SGCD: variants seen among roughly 807,000 people sequenced by gnomAD.
SGCD encodes sarcoglycan delta, also known as delta-sarcoglycan.
SGCD carries 18 observed loss-of-function variants against 36.6 expected under a neutral mutation model. The ratio of observed to expected loss-of-function variants is 0.49; its 90% CI spans 0.34 to 0.73. The LOEUF (loss-of-function observed/expected upper bound fraction) is 0.73. SGCD is among the 30% of genes least tolerant of loss of function. SGCD has a pLI of 0.01. For missense variants in SGCD, 387 were observed against 346.7 expected, an observed-to-expected ratio of 1.12 and a Z score of -0.92; for synonymous variants, 133 against 130.6, an observed-to-expected ratio of 1.02 and a Z score of -0.12.
At chr5:156,356,284 C>T (rs1394608) in intron 3 of SGCD, among the ~76,000 whole-genome samples, 111,228 of 151,968 alleles carry the variant, frequency 0.73, 41,809 homozygotes, top group East Asian at 0.92. Context: ...ACTCAAAGGC[C>T]TGGGGTATCT....
intron 3 of SGCD, among the ~76,000 whole-genome samples, chr5:156,279,768 G>A (rs1292620772): frequency 1.3e-5 from 2 of 151,940 alleles, no homozygotes; most frequent in African/African-American, 2.4e-5. Flanking sequence ...ATAAAGAAAG[G>A]CCCCTTTCTA....
chr5:156,321,476 G>A (rs902435454), intron 3 of SGCD, among the ~76,000 whole-genome samples: 1 of 151,880 alleles, frequency 6.6e-6, no homozygotes, highest in Non-Finnish European at 1.5e-5. Context: ...ACCTTCTCTG[G>A]GCACGATGCT....
intron 3 of SGCD, among the ~76,000 whole-genome samples, chr5:156,150,719 C>A (rs1762813161): frequency 6.6e-6 from 1 of 151,652 alleles, no homozygotes. Context: ...CTCTTAAAAT[C>A]CATTCTTGTG....
At chr5:155,838,830 C>G in the SGCD span, among the ~76,000 whole-genome samples, 1 of 148,740 alleles carries the variant, frequency 6.7e-6, no homozygotes. Flanking sequence ...GGGAATATAG[C>G]TATTTTTCAT....
At chr5:155,935,959 C>G (rs373359579) in intron 1 of SGCD, among the ~76,000 whole-genome samples, 1 of 152,176 alleles carries the variant, frequency 6.6e-6, no homozygotes, top group Admixed American at 6.5e-5. Context: ...CAGGCACCAG[C>G]ACAGGTGCTG....
the SGCD span, among the ~76,000 whole-genome samples, chr5:155,793,789 T>C: frequency 6.6e-6 from 1 of 152,118 alleles, no homozygotes; most frequent in Admixed American, 6.5e-5. Flanking sequence ...CCTCAGGCAA[T>C]CCGCCTGTCT....
intron 3 of SGCD, among the ~76,000 whole-genome samples, chr5:156,244,262 G>GA (rs1190257289): frequency 4.0e-5 from 6 of 151,884 alleles, no homozygotes; most frequent in African/African-American, 1.2e-4. Context: ...TGATAGTCAA[G>GA]AAAAAAAATT....
intron 3 of SGCD, among the ~76,000 whole-genome samples, chr5:156,439,899 G>A (rs1165414048): frequency 6.6e-6 from 1 of 152,012 alleles, no homozygotes; most frequent in Non-Finnish European, 1.5e-5. Context: ...TCCCATTTGT[G>A]CCTTTCACTC....
intron 1 of SGCD, among the ~76,000 whole-genome samples, chr5:156,024,690 C>G (rs910727203): frequency 3.3e-5 from 5 of 152,062 alleles, no homozygotes; most frequent in African/African-American, 1.2e-4. Context: ...GATAAAGAGG[C>G]TGGACACAGT....
chr5:155,935,761 T>G lies in SGCD; in HGVS notation c.-282+65337T>G, dbSNP rs368761715. 1.0e-3 allele frequency among the ~76,000 whole-genome samples: 153 copies of G among 152,310 alleles called. No homozygotes were observed. In the South Asian group the frequency reaches 0.018, roughly 18 times the overall value. ...GAAACCTCTGTGGCCAGTGGTGCTT[T>G]TGCATGAGTTTTGCTCGGGCCCACT... On this transcript the variant is annotated intron_variant, in intron 1 of 9. Coordinates refer to the SGCD transcript ENST00000517913.
chr5:156,192,555 C>G (rs1280340936), intron 3 of SGCD, among the ~76,000 whole-genome samples: 1 of 151,916 alleles, frequency 6.6e-6, no homozygotes, highest in Non-Finnish European at 1.5e-5. Flanking sequence ...TAACGTTTGA[C>G]AGTAGAGTAG....
intron 1 of SGCD, among the ~76,000 whole-genome samples, chr5:155,952,225 G>T (rs1757561787): frequency 6.6e-6 from 1 of 152,066 alleles, no homozygotes; most frequent in African/African-American, 2.4e-5. Context: ...GCTTCTGAGA[G>T]TTTTCAAAAA....
At chr5:156,647,317 C>A in intron 6 of SGCD, 147 bp from the exon 7 acceptor site, 1 of 533,530 alleles carries the variant, frequency 1.9e-6, no homozygotes, top group Non-Finnish European at 3.4e-6. Flanking sequence ...GCTTTCCTAT[C>A]ATGGAGCTCT....
intron 3 of SGCD, among the ~76,000 whole-genome samples, chr5:156,390,358 A>G (rs1771499732): frequency 6.6e-6 from 1 of 152,218 alleles, no homozygotes; most frequent in African/African-American, 2.4e-5. Context: ...TGGAGGTGGA[A>G]GACAGCGTTG....
At chr5:156,708,598 G>T (rs140930187) in intron 7 of SGCD, among the ~76,000 whole-genome samples, 1 of 152,190 alleles carries the variant, frequency 6.6e-6, no homozygotes, top group Admixed American at 6.5e-5. Context: ...CATACAAACA[G>T]ATGTATTGAG....
At chr5:156,117,350 T>A (rs1761928706) in intron 1 of SGCD, among the ~76,000 whole-genome samples, 1 of 152,092 alleles carries the variant, frequency 6.6e-6, no homozygotes, top group African/African-American at 2.4e-5. Flanking sequence ...TTGTATTAAT[T>A]CAAGTCCCCT....
chr5:156,152,116 T>C (rs1762847872), intron 3 of SGCD, among the ~76,000 whole-genome samples: 1 of 151,574 alleles, frequency 6.6e-6, no homozygotes, highest in Non-Finnish European at 1.5e-5. Context: ...CCCTTTATAA[T>C]GTTGAATAAT....
At chr5:156,071,640 A>G (rs1279242698) in intron 1 of SGCD, among the ~76,000 whole-genome samples, 3 of 152,146 alleles carry the variant, frequency 2.0e-5, no homozygotes, top group Non-Finnish European at 2.9e-5. Context: ...GTACATGTCT[A>G]TTAGGTCCGC....
intron 3 of SGCD, among the ~76,000 whole-genome samples, chr5:156,183,231 T>A (rs1763651065): frequency 6.6e-6 from 1 of 152,110 alleles, no homozygotes. Context: ...AAATGGAGTG[T>A]CTGAAAAGAC....
Sources: allele counts gnomAD v4.1 joint callset (sites outside exome capture counted in the v4.1 genomes callset), GRCh38; gene constraint gnomAD v4.1.1; transcripts MANE v1.5; gene names NCBI Gene and HGNC (gene_info 2026-07-23, HGNC 2026-07-21).